PDE3A: variants seen among roughly 807,000 people sequenced by gnomAD.
PDE3A encodes phosphodiesterase 3A, also known as cGMP-inhibited 3',5'-cyclic phosphodiesterase 3A.
A neutral mutation model predicts 98.3 loss-of-function variants in PDE3A; 43 were observed. That is an observed-to-expected ratio of 0.44 (90% confidence interval 0.34 to 0.56). PDE3A has a LOEUF of 0.56. PDE3A is among the 20% of genes least tolerant of loss of function. The probability of loss-of-function intolerance (pLI) is 0.01; values close to 1 mark genes in which losing one functional copy is unlikely to be tolerated. For missense variants in PDE3A, 1,427 were observed against 1,440.7 expected, an observed-to-expected ratio of 0.99 and a Z score of 0.15; for synonymous variants, 663 against 567.9, an observed-to-expected ratio of 1.17 and a Z score of -2.38.
intron 2 of PDE3A, among the ~76,000 whole-genome samples, chr12:20,594,361 T>G (rs904061115): frequency 6.6e-6 from 1 of 152,132 alleles, no homozygotes. Flanking sequence ...AAAATATTAT[T>G]TGCTCATTGA....
intron 1 of PDE3A, among the ~76,000 whole-genome samples, chr12:20,498,985 T>C (rs866853536): frequency 1.3e-5 from 2 of 152,212 alleles, no homozygotes; most frequent in African/African-American, 4.8e-5. Context: ...CTGTATGTTA[T>C]ACTTTTTGGT....
chr12:20,587,174 CCTGA>C (rs1234621636), intron 2 of PDE3A, among the ~76,000 whole-genome samples: 2 of 152,078 alleles, frequency 1.3e-5, no homozygotes, highest in Non-Finnish European at 2.9e-5. Flanking sequence ...TCGAGACCAG[CCTGA>C]CTAACATGGT....
intron 5 of PDE3A, 34 bp downstream of exon 5, chr12:20,621,445 TGAGTGTG>T: frequency 1.8e-6 from 2 of 1,114,468 alleles, no homozygotes; most frequent in Non-Finnish European, 2.8e-6. Context: ...GTTCATACTG[TGAGTGTG>T]GAGTTCTAGA....
chr12:20,500,646 G>A (rs1022724432), intron 1 of PDE3A, among the ~76,000 whole-genome samples: 20 of 151,896 alleles, frequency 1.3e-4, no homozygotes, highest in Admixed American at 2.6e-4. Flanking sequence ...CTGTAAAGTA[G>A]TAGTTTAATC....
At chr12:20,374,844 T>G (rs1943541689) in intron 1 of PDE3A, among the ~76,000 whole-genome samples, 1 of 152,046 alleles carries the variant, frequency 6.6e-6, no homozygotes, top group Admixed American at 6.6e-5. Flanking sequence ...AAGAAAGAGT[T>G]TATTTTGGGA....
chr12:20,582,558 G>GATAA (rs1167163098), intron 2 of PDE3A, among the ~76,000 whole-genome samples: 3 of 151,952 alleles, frequency 2.0e-5, no homozygotes, highest in African/African-American at 7.2e-5. Flanking sequence ...AAATTATAGT[G>GATAA]ATAAATATAT....
intron 1 of PDE3A, among the ~76,000 whole-genome samples, chr12:20,384,707 C>G (rs796875971): frequency 2.0e-5 from 3 of 151,854 alleles, no homozygotes; most frequent in African/African-American, 7.2e-5. Flanking sequence ...CGACAGACTC[C>G]AGCATGTTGT....
intron 1 of PDE3A, among the ~76,000 whole-genome samples, chr12:20,499,549 A>C (rs1480692493): frequency 1.3e-5 from 2 of 152,204 alleles, no homozygotes; most frequent in African/African-American, 4.8e-5. Context: ...TGATGCAAAA[A>C]CAAACATTTT....
At chr12:20,417,165 C>G (rs6487083) in intron 1 of PDE3A, among the ~76,000 whole-genome samples, 94,089 of 152,028 alleles carry the variant, frequency 0.62, 30,866 homozygotes, top group East Asian at 0.88. Flanking sequence ...GTACTTGATA[C>G]ATCATTAGTT....
At chr12:20,646,656 T>C (rs1487884154) in intron 11 of PDE3A, 53 bp downstream of exon 11, 4 of 1,409,614 alleles carry the variant, frequency 2.8e-6, no homozygotes, top group African/African-American at 1.4e-5. Flanking sequence ...ACAAGGGTGT[T>C]TTTGTTTTTG....
At chr12:20,487,108 G>C (rs1418850903) in intron 1 of PDE3A, among the ~76,000 whole-genome samples, 1 of 152,066 alleles carries the variant, frequency 6.6e-6, no homozygotes, top group Non-Finnish European at 1.5e-5. Context: ...GTGAAGAGAA[G>C]TACTTAAAAT....
intron 1 of PDE3A, among the ~76,000 whole-genome samples, chr12:20,433,876 A>G (rs937486747): frequency 2.6e-5 from 4 of 151,648 alleles, no homozygotes; most frequent in African/African-American, 9.7e-5. Context: ...ATGTGTAGAT[A>G]GAATTCCTAC....
At chr12:20,445,313 C>A (rs1944936599) in intron 1 of PDE3A, among the ~76,000 whole-genome samples, 1 of 152,014 alleles carries the variant, frequency 6.6e-6, no homozygotes, top group Non-Finnish European at 1.5e-5. Context: ...GGGAAATGAA[C>A]TACACACCTT....
rs986273696 is a variant in PDE3A at position 20,422,150 on chromosome 12, T to G, written c.960+51906T>G. ...TCACTAGGTCAGGAGATCGAGACCATCCTGGCTAACACGGTGAAACTCCAT... is the reference window on the plus strand; with the variant it reads ...TCACTAGGTCAGGAGATCGAGACCAGCCTGGCTAACACGGTGAAACTCCAT... On this transcript the variant is annotated intron_variant, in intron 1 of 15. Coordinates refer to ENST00000359062, the MANE Select transcript of PDE3A (RefSeq NM_000921.5). 1.9e-4 allele frequency among the ~76,000 whole-genome samples: 29 copies of G among 152,102 alleles called. No individual in the cohort carries two copies. The East Asian group carries it at 4.9e-3, about 26-fold the overall frequency.
chr12:20,396,662 T>C (rs1944024265), intron 1 of PDE3A, among the ~76,000 whole-genome samples: 1 of 152,034 alleles, frequency 6.6e-6, no homozygotes, highest in African/African-American at 2.4e-5. Context: ...TTTAAAAATA[T>C]TTAAAAGGAG....
chr12:20,469,336 A>G (rs1385533028), intron 1 of PDE3A, among the ~76,000 whole-genome samples: 2 of 151,956 alleles, frequency 1.3e-5, no homozygotes, highest in African/African-American at 2.4e-5. Context: ...TTCATTCCTT[A>G]CTTTTATTAT....
At chr12:20,386,785 C>T (rs942265955) in intron 1 of PDE3A, among the ~76,000 whole-genome samples, 3 of 151,964 alleles carry the variant, frequency 2.0e-5, no homozygotes, top group Non-Finnish European at 4.4e-5. Flanking sequence ...TAATTAGATC[C>T]ATTTCTCAAT....
At chr12:20,570,076 A>G (rs1056259452) in intron 2 of PDE3A, among the ~76,000 whole-genome samples, 1 of 152,104 alleles carries the variant, frequency 6.6e-6, no homozygotes, top group Admixed American at 6.6e-5. Context: ...CTTATGAAAG[A>G]GAACTTATGA....
chr12:20,373,670 A>G (rs1376399073), intron 1 of PDE3A, among the ~76,000 whole-genome samples: 2 of 152,148 alleles, frequency 1.3e-5, no homozygotes, highest in African/African-American at 2.4e-5. Context: ...TCAGGTAAAT[A>G]CAAAGGCATA....
Sources: gnomAD v4.1 joint callset for allele counts (sites outside exome capture counted in the v4.1 genomes callset) on GRCh38, gnomAD v4.1.1 for gene constraint, MANE v1.5 for transcripts, NCBI Gene and HGNC (gene_info 2026-07-23, HGNC 2026-07-21) for gene names.